The following NAV1 variants were observed in gnomAD, a reference collection of about 807,000 sequenced individuals.
NAV1 encodes pore membrane and/or filament interacting like protein 3.
A neutral mutation model predicts 175.2 loss-of-function variants in NAV1; 18 were observed. That is an observed-to-expected ratio of 0.10 (90% CI 0.07 to 0.15). The LOEUF is 0.15. Ranked by LOEUF, NAV1 falls within the 10% of genes least tolerant of loss-of-function variation. The probability of loss-of-function intolerance (pLI) is 1.00; values close to 1 mark genes in which losing one functional copy is unlikely to be tolerated. For synonymous variants in NAV1, 897 were observed against 978.7 expected, an observed-to-expected ratio of 0.92 and a Z score of 1.56; for missense variants, 1,731 against 2,436.6, an observed-to-expected ratio of 0.71 and a Z score of 6.10.
At chr1:201,732,804 G>A (rs893999270) in intron 3 of NAV1, among the ~76,000 whole-genome samples, 1 of 152,004 alleles carries the variant, frequency 6.6e-6, no homozygotes, top group Non-Finnish European at 1.5e-5. Context: ...GGTGTGGTGG[G>A]TCACGCCTGT....
chr1:201,563,327 AG>A (rs1666258220), intron 1 of NAV1, among the ~76,000 whole-genome samples: 1 of 152,134 alleles, frequency 6.6e-6, no homozygotes, highest in Non-Finnish European at 1.5e-5. Flanking sequence ...CTCGTCCCAC[AG>A]GTGCCACTGA....
At chr1:201,584,538 T>C (rs1404360685) in intron 1 of NAV1, among the ~76,000 whole-genome samples, 1 of 152,202 alleles carries the variant, frequency 6.6e-6, no homozygotes, top group Non-Finnish European at 1.5e-5. Context: ...TTGGATCTTG[T>C]TTTCATCTTG....
At chr1:201,791,960 G>A (rs974999945) in intron 13 of NAV1, 1 of 152,190 alleles carries the variant, frequency 6.6e-6, no homozygotes, top group Non-Finnish European at 1.5e-5. Flanking sequence ...GGAAATTCAT[G>A]TCTGGGAGAT....
chr1:201,675,819 T>C (rs1670228865), intron 1 of NAV1, among the ~76,000 whole-genome samples: 1 of 152,186 alleles, frequency 6.6e-6, no homozygotes, highest in African/African-American at 2.4e-5. Flanking sequence ...CTGGAACCAT[T>C]TTCTGAAGCT....
chr1:201,723,374 TG>T (rs2102497293), intron 3 of NAV1: 1 of 152,356 alleles, frequency 6.6e-6, no homozygotes, highest in South Asian at 2.1e-4. Flanking sequence ...TTTCATTCTG[TG>T]TATTGGGTTT....
chr1:201,808,350 C>T lies in NAV1; in HGVS notation c.3846-68C>T. On this transcript the variant is annotated intron_variant, in intron 18 of 29. Transcript: ENST00000367296. The surrounding 1 kb of genome is among the most constrained non-coding windows in gnomAD (Gnocchi z 5.5). Reference sequence around the variant, plus strand: ...GAGAAGCCAAGACCACCAACCATGCCTCTCAATATTCTCTAGTAACTCTAG... The same window carrying T: ...GAGAAGCCAAGACCACCAACCATGCTTCTCAATATTCTCTAGTAACTCTAG... 1.3e-6 allele frequency: 2 copies of T among 1,521,610 alleles called. No individual in the cohort carries two copies. The highest frequency in any genetic ancestry group is 8.9e-7 in the Non-Finnish European group (1 of 1,129,256). 94.3% of individuals were successfully genotyped at this position (1,521,610 alleles called of 1,614,324 possible).
chr1:201,819,999 T>C, exon 30 of NAV1: 1 of 1,414,606 alleles, frequency 7.1e-7, no homozygotes, highest in Non-Finnish European at 1.0e-6. Flanking sequence ...GCTCCTCCTC[T>C]CCCCTCTCCT....
chr1:201,756,818 T>TTCTC (rs1157346773), intron 3 of NAV1, among the ~76,000 whole-genome samples: 1 of 9,890 alleles, frequency 1.0e-4, no homozygotes, highest in East Asian at 8.7e-4. Context: ...CCTTCTTTCT[T>TTCTC]TCTTTCTTTC....
chr1:201,798,679 T>C (rs1405189040), intron 15 of NAV1: 9 of 146,996 alleles, frequency 6.1e-5, no homozygotes, highest in Non-Finnish European at 6.0e-5. Flanking sequence ...AAAGAATTAC[T>C]GTTCATTTTC....
intron 1 of NAV1, among the ~76,000 whole-genome samples, chr1:201,580,071 T>C (rs1666803754): frequency 6.6e-6 from 1 of 152,234 alleles, no homozygotes; most frequent in Non-Finnish European, 1.5e-5. Context: ...GAGTTCTTGA[T>C]GTCCAAGGGC....
At chr1:201,592,178 A>G (rs1441711646) in intron 2 of NAV1, among the ~76,000 whole-genome samples, 1 of 152,148 alleles carries the variant, frequency 6.6e-6, no homozygotes, top group African/African-American at 2.4e-5. Context: ...GGCCATTAGC[A>G]TTTTAAAAAG....
intron 1 of NAV1, among the ~76,000 whole-genome samples, chr1:201,665,862 T>TAA (rs928303928): frequency 2.0e-5 from 3 of 146,502 alleles, no homozygotes; most frequent in African/African-American, 7.5e-5. Flanking sequence ...GTGCTAGTGT[T>TAA]AAAAAAAAAA....
intron 1 of NAV1, among the ~76,000 whole-genome samples, chr1:201,555,741 C>T (rs935935473): frequency 2.0e-4 from 30 of 152,046 alleles, no homozygotes; most frequent in African/African-American, 5.1e-4. Flanking sequence ...GGAAACACAG[C>T]GGCCTAATGG....
intron 1 of NAV1, among the ~76,000 whole-genome samples, chr1:201,655,916 A>G (rs1424236361): frequency 6.6e-6 from 1 of 151,826 alleles, no homozygotes; most frequent in Non-Finnish European, 1.5e-5. Flanking sequence ...GGAAGCTCCC[A>G]TTAGGGGAGA....
chr1:201,620,187 A>C (rs1215704034), upstream of NAV1, among the ~76,000 whole-genome samples: 1 of 152,216 alleles, frequency 6.6e-6, no homozygotes, highest in Non-Finnish European at 1.5e-5. Flanking sequence ...AACAGCCATA[A>C]ACAATTCCTG....
chr1:201,603,531 T>A (rs969665509), intron 2 of NAV1, among the ~76,000 whole-genome samples: 5 of 152,212 alleles, frequency 3.3e-5, no homozygotes, highest in Non-Finnish European at 7.3e-5. Context: ...GTCCCTTTGC[T>A]TTGTCTTCCA....
At chr1:201,615,832 T>G (rs921616930) in intron 2 of NAV1, among the ~76,000 whole-genome samples, 5 of 152,146 alleles carry the variant, frequency 3.3e-5, no homozygotes, top group African/African-American at 1.2e-4. Context: ...ACTGTGAGCA[T>G]TTGGGTGTTA....
Position 201,643,239 on chromosome 1 carries a change from TTTCC to T in NAV1, c.5-5385_5-5382del, listed in dbSNP as rs1486503539. ...CCTTCTCTTCCCTTTTCTTTCTTTC[TTTCC>T]TTCCTTCCTCCCTCCTTCCTTCCCT... On this transcript the variant is annotated intron_variant, in intron 2 of 29. Coordinates refer to the NAV1 transcript ENST00000367302. Among the ~76,000 whole-genome samples, 53 of 145,116 alleles carry T rather than the reference TTTCC, an allele frequency of 3.7e-4. No individual in the cohort carries two copies. The East Asian group carries it at 9.8e-3, about 27-fold the overall frequency.
intron 1 of NAV1, among the ~76,000 whole-genome samples, chr1:201,677,910 G>T (rs1050024381): frequency 6.6e-6 from 1 of 152,016 alleles, no homozygotes; most frequent in East Asian, 1.9e-4. Flanking sequence ...GATTACAGGC[G>T]TGACCCACCA....
Sources: allele counts gnomAD v4.1 joint callset (sites outside exome capture counted in the v4.1 genomes callset), GRCh38; gene constraint gnomAD v4.1.1; non-coding constraint Gnocchi (gnomAD v3.1); transcripts MANE v1.5; gene names NCBI Gene and HGNC (gene_info 2026-07-23, HGNC 2026-07-21).